PAX7: variants seen among roughly 807,000 people sequenced by gnomAD.
PAX7 encodes the protein paired box protein Pax-7.
PAX7 carries 18 observed loss-of-function variants against 50.7 expected under a neutral mutation model. The observed-to-expected ratio is 0.36, with a 90% CI of 0.25 to 0.53. PAX7 has a LOEUF of 0.53. PAX7 is among the 20% of genes least tolerant of loss of function. The pLI is 0.93. For missense variants in PAX7, 644 were observed against 702.9 expected (o/e 0.92, Z 0.95); for synonymous variants, 310 against 290.4 (o/e 1.07, Z -0.69).
At chr1:18,696,615 G>T (rs2089153289) in intron 5 of PAX7, among the ~76,000 whole-genome samples, 1 of 152,128 alleles carries the variant, frequency 6.6e-6, no homozygotes, top group African/African-American at 2.4e-5. Context: ...TGGAACTGGA[G>T]GTCATTATGT....
chr1:18,641,817 C>G (rs1194500227), intron 4 of PAX7, among the ~76,000 whole-genome samples: 4 of 152,116 alleles, frequency 2.6e-5, no homozygotes, highest in Admixed American at 6.5e-5. Flanking sequence ...GAGGCGCGAC[C>G]ACAGCAGCCA....
rs115060747 is a variant in PAX7, at chr1:18,674,982, G to A, written c.587-16772G>A. Among the ~76,000 whole-genome samples the A allele has an allele frequency of 4.7e-3, 709 of 152,272 alleles. 8 individuals are homozygous for A. The highest frequency in any genetic ancestry group is 0.016 in the African/African-American group (660 of 41,540). On this transcript the variant is annotated intron_variant, in intron 4 of 8. Transcript: ENST00000420770. ...TGATGCTGCTAACACTTGACAGCTG[G>A]TCTAGAAGATGTTGGGGAGGTGGCT... is the stretch of plus-strand genomic sequence containing the variant.
At chr1:18,685,925 A>G (rs1350234523) in intron 4 of PAX7, among the ~76,000 whole-genome samples, 1 of 152,118 alleles carries the variant, frequency 6.6e-6, no homozygotes, top group East Asian at 1.9e-4. Context: ...CACCATCACC[A>G]TCACCATCAC....
intron 7 of PAX7, among the ~76,000 whole-genome samples, chr1:18,714,008 C>T (rs1466609771): frequency 2.0e-5 from 3 of 152,004 alleles, no homozygotes; most frequent in Non-Finnish European, 4.4e-5. Flanking sequence ...GCCGGGAGTT[C>T]GAGACTAACC....
Position 18,631,149 on chromosome 1 carries a change from G to T in PAX7, c.-455G>T, listed in dbSNP as rs899310444. 2.1e-5 allele frequency: 5 copies of T among 233,708 alleles called. No homozygotes were observed. The highest frequency in any genetic ancestry group is 4.2e-5 in the Non-Finnish European group (5 of 118,692). 14.5% of individuals were successfully genotyped at this position (233,708 alleles called of 1,614,324 possible). On this transcript the variant is annotated 5_prime_UTR_variant, in exon 1 of 9. Transcript: ENST00000420770. ...GCAGTCTCCGGGCTCGGAAACTTTGGCCCCGAGCGCCAGAGCGCCAGAGCG... is the reference window on the plus strand; with the variant it reads ...GCAGTCTCCGGGCTCGGAAACTTTGTCCCCGAGCGCCAGAGCGCCAGAGCG...
At chr1:18,732,347 T>G (rs1454611492) in intron 7 of PAX7, among the ~76,000 whole-genome samples, 1 of 152,236 alleles carries the variant, frequency 6.6e-6, no homozygotes, top group Non-Finnish European at 1.5e-5. Flanking sequence ...AGTAAATGTT[T>G]GTTAAAGGAA....
At chr1:18,719,814 T>A (rs906749016) in intron 7 of PAX7, among the ~76,000 whole-genome samples, 1 of 152,020 alleles carries the variant, frequency 6.6e-6, no homozygotes, top group Admixed American at 6.5e-5. Flanking sequence ...CTGGGTCATA[T>A]TCTGCTTTTA....
chr1:18,633,009 G>A (rs961951056), intron 1 of PAX7, among the ~76,000 whole-genome samples: 1 of 152,228 alleles, frequency 6.6e-6, no homozygotes, highest in Non-Finnish European at 1.5e-5. Flanking sequence ...AGAGGCTCTT[G>A]AATATAAAGT....
At chr1:18,727,348 A>C (rs1476568056) in intron 7 of PAX7, among the ~76,000 whole-genome samples, 3,954 of 89,538 alleles carry the variant, frequency 0.044, 103 homozygotes, top group East Asian at 0.11. Flanking sequence ...ACACTCTCTC[A>C]TCCTCTCTCT....
At chr1:18,707,837 C>A (rs2089303557) in intron 7 of PAX7, among the ~76,000 whole-genome samples, 1 of 151,926 alleles carries the variant, frequency 6.6e-6, no homozygotes, top group Non-Finnish European at 1.5e-5. Flanking sequence ...GGGAAGCCAC[C>A]CCCCATCTAT....
chr1:18,694,835 G>T (rs1399450172), intron 5 of PAX7, among the ~76,000 whole-genome samples: 1 of 152,186 alleles, frequency 6.6e-6, no homozygotes, highest in Admixed American at 6.5e-5. Context: ...GCTTTGTGAG[G>T]TGATGAGATT....
At position 18,634,255 on chromosome 1, in the gene PAX7, T is replaced by C; in HGVS notation, c.86-48T>C. ...GAGTGTACTCAGTGTCTGCTCTCCA[T>C]CCTCACCCTGCACCTCTCTCCTTCT... On this transcript the variant is annotated intron_variant, in intron 1 of 8. Transcript: ENST00000420770. This position sits in a 1 kb window ranked among gnomAD's most constrained non-coding sequence, Gnocchi z 4.0. 1 of 1,487,586 alleles carries C rather than the reference T, an allele frequency of 6.7e-7. No individual in the cohort carries two copies. 92.1% of individuals were successfully genotyped at this position (1,487,586 alleles called of 1,614,324 possible).
chr1:18,637,829 G>C (rs1023524384), intron 4 of PAX7, among the ~76,000 whole-genome samples: 2 of 152,258 alleles, frequency 1.3e-5, no homozygotes, highest in African/African-American at 4.8e-5. Context: ...CGGGACAAAA[G>C]GGCGAGGGAA....
chr1:18,676,455 G>A (rs559608227), intron 4 of PAX7, among the ~76,000 whole-genome samples: 177 of 133,356 alleles, frequency 1.3e-3, no homozygotes, highest in African/African-American at 4.5e-3. Context: ...GCTGCCCAGC[G>A]ACCAGCCGGA....
At chr1:18,689,099 C>A (rs928595179) in intron 4 of PAX7, among the ~76,000 whole-genome samples, 2 of 152,060 alleles carry the variant, frequency 1.3e-5, no homozygotes, top group Non-Finnish European at 2.9e-5. Flanking sequence ...TCCCCATCCG[C>A]CTCAGCTCCT....
At chr1:18,744,790 A>C (rs945051586) in intron 8 of PAX7, 24 bp from the exon 9 acceptor site, 2 of 1,402,490 alleles carry the variant, frequency 1.4e-6, no homozygotes, top group Non-Finnish European at 2.0e-6. Context: ...CTCAATTTCT[A>C]GGAGAGTCTC....
intron 4 of PAX7, among the ~76,000 whole-genome samples, chr1:18,673,882 G>C (rs193074180): frequency 6.6e-6 from 1 of 152,216 alleles, no homozygotes; most frequent in African/African-American, 2.4e-5. Context: ...GGAATTCGAC[G>C]GAATATCTGT....
chr1:18,652,693 G>A lies in PAX7; in HGVS notation c.586+16322G>A, dbSNP rs188634783. ...TAATGAATTCATCAGATCCTCCCAA[G>A]AATACCTCAAAGGAGAGATTATTAA... is the stretch of plus-strand genomic sequence containing the variant. On this transcript the variant is annotated intron_variant, in intron 4 of 8. Coordinates refer to ENST00000420770, the MANE Select transcript of PAX7 (RefSeq NM_001135254.2). Among the ~76,000 whole-genome samples, 279 of 152,280 alleles carry A rather than the reference G, an allele frequency of 1.8e-3. 2 individuals are homozygous for A. The Middle Eastern group carries it at 0.024, about 13-fold the overall frequency.
At chr1:18,725,983 T>TGTGTGC (rs1553142954) in intron 7 of PAX7, among the ~76,000 whole-genome samples, 1 of 143,754 alleles carries the variant, frequency 7.0e-6, no homozygotes, top group African/African-American at 2.6e-5. Flanking sequence ...TGGAAGAGTG[T>TGTGTGC]GTGTGTGTGT....
Sources: gnomAD v4.1 joint callset for allele counts (sites outside exome capture counted in the v4.1 genomes callset) on GRCh38, gnomAD v4.1.1 for gene constraint, Gnocchi (gnomAD v3.1) non-coding constraint, MANE v1.5 for transcripts, NCBI Gene and HGNC (gene_info 2026-07-23, HGNC 2026-07-21) for gene names.